Variants in RAB3C observed in about 807,000 individuals in gnomAD.
The protein encoded by RAB3C is RAB3C, member RAS oncogene family.
RAB3C carries 17 observed loss-of-function variants against 26.4 expected under a neutral mutation model. The observed-to-expected ratio is 0.64, with a 90% CI of 0.44 to 0.97. RAB3C has a LOEUF of 0.97. RAB3C is among the 50% of genes least tolerant of loss of function. RAB3C has a pLI of 0.00. For synonymous variants in RAB3C, 91 were observed against 95.9 expected (o/e 0.95, Z 0.30); for missense variants, 242 against 281.9 (o/e 0.86, Z 1.01).
chr5:58,664,321 A>T (rs1323919718), intron 2 of RAB3C, among the ~76,000 whole-genome samples: 1 of 152,212 alleles, frequency 6.6e-6, no homozygotes, highest in Non-Finnish European at 1.5e-5. Context: ...TAACACAGTA[A>T]CCTGGATGAA....
intron 3 of RAB3C, among the ~76,000 whole-genome samples, chr5:58,813,063 G>A (rs886517090): frequency 3.3e-5 from 5 of 152,012 alleles, no homozygotes; most frequent in African/African-American, 9.7e-5. Context: ...ATATGTTATC[G>A]GATTGTTTCT....
intron 2 of RAB3C, among the ~76,000 whole-genome samples, chr5:58,711,017 C>A (rs1458570471): frequency 6.6e-6 from 1 of 152,122 alleles, no homozygotes; most frequent in East Asian, 1.9e-4. Context: ...TCAAAGCAAT[C>A]ATAAAAATAA....
At position 58,857,114 on chromosome 5, in the gene RAB3C, C is replaced by G. The variant is rs1744277694; in HGVS notation, c.*5763C>G. On this transcript the variant is annotated 3_prime_UTR_variant, in exon 5 of 5. Transcript: ENST00000282878. ...CCAATAAGTGCAATATTTAATGACT[C>G]ACTCAGTGTATATAAACTAGTATGA... 1 of 152,128 alleles carries G rather than the reference C, an allele frequency of 6.6e-6. No homozygotes were observed. The highest frequency in any genetic ancestry group is 1.5e-5 in the Non-Finnish European group (1 of 68,018). The allele number at this position is 152,128 out of a possible 1,614,324, so 9.4% of individuals were successfully genotyped here.
chr5:58,841,399 G>C (rs1215604476), intron 4 of RAB3C, among the ~76,000 whole-genome samples: 1 of 152,196 alleles, frequency 6.6e-6, no homozygotes, highest in Non-Finnish European at 1.5e-5. Context: ...GTGGCATTCA[G>C]CTACCTGTAT....
chr5:58,725,550 G>A (rs553558907), intron 2 of RAB3C, among the ~76,000 whole-genome samples: 2 of 151,912 alleles, frequency 1.3e-5, no homozygotes, highest in African/African-American at 4.8e-5. Context: ...TCTTTTGAAT[G>A]CCAATAATTT....
At chr5:58,843,181 A>T in intron 4 of RAB3C, among the ~76,000 whole-genome samples, 1 of 152,242 alleles carries the variant, frequency 6.6e-6, no homozygotes, top group South Asian at 2.1e-4. Flanking sequence ...TACTTAATAA[A>T]TGTTAGTTAC....
At chr5:58,655,438 G>T (rs112425958) in intron 2 of RAB3C, among the ~76,000 whole-genome samples, 1 of 152,126 alleles carries the variant, frequency 6.6e-6, no homozygotes, top group Non-Finnish European at 1.5e-5. Context: ...AGATAAAACC[G>T]GAATCGCTCT....
chr5:58,635,053 T>C (rs292982), intron 2 of RAB3C, among the ~76,000 whole-genome samples: 123,190 of 152,092 alleles, frequency 0.81, 50,173 homozygotes, highest in African/African-American at 0.87. Context: ...ACAGTAAGGT[T>C]GATGTTTGAT....
intron 4 of RAB3C, among the ~76,000 whole-genome samples, chr5:58,839,349 T>TTTTATTTATTTATTTA (rs59909509): frequency 4.1e-3 from 406 of 98,850 alleles, no homozygotes; most frequent in South Asian, 0.023. Context: ...TAAGTTTTTA[T>TTTTATTTATTTATTTA]TTTATTTATT....
At chr5:58,769,974 A>G (rs1020510618) in intron 3 of RAB3C, among the ~76,000 whole-genome samples, 5 of 152,214 alleles carry the variant, frequency 3.3e-5, no homozygotes, top group African/African-American at 1.2e-4. Flanking sequence ...TGTAGTCCAG[A>G]CAATGGTGCT....
chr5:58,677,617 A>G (rs158991), intron 2 of RAB3C, among the ~76,000 whole-genome samples: 51,272 of 152,038 alleles, frequency 0.34, 8,957 homozygotes, highest in East Asian at 0.42. Context: ...ATATAAAAAT[A>G]TTGACACCAA....
intron 1 of RAB3C, among the ~76,000 whole-genome samples, chr5:58,588,119 G>A (rs1746049669): frequency 6.6e-6 from 1 of 152,042 alleles, no homozygotes; most frequent in African/African-American, 2.4e-5. Flanking sequence ...TATGAACTTG[G>A]AGGTAATTTC....
chr5:58,814,682 T>A (rs1743179943), intron 3 of RAB3C: 1 of 152,344 alleles, frequency 6.6e-6, no homozygotes, highest in East Asian at 1.9e-4. Flanking sequence ...CAGACTTTCA[T>A]TCCTCTCCCT....
At chr5:58,667,939 T>C (rs569726099) in intron 2 of RAB3C, among the ~76,000 whole-genome samples, 5 of 152,212 alleles carry the variant, frequency 3.3e-5, no homozygotes, top group African/African-American at 9.6e-5. Flanking sequence ...TTAATATTCA[T>C]CCTCCATTGG....
At chr5:58,696,277 T>C (rs1748696131) in intron 2 of RAB3C, among the ~76,000 whole-genome samples, 1 of 152,236 alleles carries the variant, frequency 6.6e-6, no homozygotes, top group African/African-American at 2.4e-5. Context: ...TGAAGCCAAC[T>C]TGATCGTGGT....
intron 2 of RAB3C, among the ~76,000 whole-genome samples, chr5:58,718,925 A>G (rs991483909): frequency 6.6e-6 from 1 of 152,026 alleles, no homozygotes; most frequent in Non-Finnish European, 1.5e-5. Flanking sequence ...TAAGCTTCCT[A>G]TTTTTCTTAC....
intron 3 of RAB3C, among the ~76,000 whole-genome samples, chr5:58,807,038 C>G (rs569070315): frequency 6.6e-6 from 1 of 152,138 alleles, no homozygotes; most frequent in African/African-American, 2.4e-5. Context: ...TTCTAAGCAA[C>G]CAGAATCGCC....
At chr5:58,707,890 T>G (rs1415102968) in intron 2 of RAB3C, among the ~76,000 whole-genome samples, 1 of 152,178 alleles carries the variant, frequency 6.6e-6, no homozygotes, top group Non-Finnish European at 1.5e-5. Context: ...ATTCATTGCT[T>G]GGTTCCAAAA....
chr5:58,755,612 G>A (rs1190846530), intron 3 of RAB3C, among the ~76,000 whole-genome samples: 1 of 152,182 alleles, frequency 6.6e-6, no homozygotes, highest in Non-Finnish European at 1.5e-5. Context: ...ACTGGAGGAG[G>A]GGAATGGCTG....
Sources: allele counts gnomAD v4.1 joint callset (sites outside exome capture counted in the v4.1 genomes callset), GRCh38; gene constraint gnomAD v4.1.1; transcripts MANE v1.5; gene names NCBI Gene and HGNC (gene_info 2026-07-23, HGNC 2026-07-21).